The following CADPS2 variants were observed in gnomAD, a reference collection of about 807,000 sequenced individuals.
CADPS2 encodes calcium-dependent secretion activator 2.
CADPS2 carries 93 observed loss-of-function variants against 172.5 expected under a neutral mutation model. The ratio of observed to expected loss-of-function variants is 0.54; its 90% confidence interval spans 0.46 to 0.64. CADPS2 has a LOEUF of 0.64. CADPS2 is among the 30% of genes least tolerant of loss of function. The pLI is 0.00. For synonymous variants in CADPS2, 546 were observed against 555.2 expected, an observed-to-expected ratio of 0.98 and a Z score of 0.23; for missense variants, 1,420 against 1,565.9, an observed-to-expected ratio of 0.91 and a Z score of 1.57.
Position 122,579,450 on chromosome 7 carries a change from A to AATATATATATATATATATATAT in CADPS2, c.1335+1707_1335+1728dup, listed in dbSNP as rs3034498. Among the ~76,000 whole-genome samples the AATATATATATATATATATATAT allele has an allele frequency of 2.0e-3, 251 of 128,600 alleles. 1 individual carries two copies. The highest frequency in any genetic ancestry group is 5.2e-3 in the African/African-American group (177 of 33,756). 84.4% of individuals were successfully genotyped at this position (128,600 alleles called of 152,430 possible). ...GTTTCTCAGATATAAAATTGCATCGAATATATATATATATATATATATATA... is the reference window on the plus strand; with the variant it reads ...GTTTCTCAGATATAAAATTGCATCGAATATATATATATATATATATATATATATATATATATATATATATATA... On this transcript the variant is annotated intron_variant, in intron 7 of 29. Transcript: ENST00000449022.
intron 25 of CADPS2, among the ~76,000 whole-genome samples, chr7:122,374,553 C>CA (rs1563180218): frequency 6.6e-6 from 1 of 151,934 alleles, no homozygotes; most frequent in East Asian, 1.9e-4. Flanking sequence ...AAAGACTCTA[C>CA]AAAAAAGAAC....
chr7:122,541,141 G>A (rs964650635), intron 8 of CADPS2, among the ~76,000 whole-genome samples: 4 of 151,190 alleles, frequency 2.6e-5, no homozygotes, highest in Admixed American at 1.3e-4. Flanking sequence ...AATAGAAAAA[G>A]CAGCACTTTT....
chr7:122,745,951 C>G (rs1197320949), intron 1 of CADPS2, among the ~76,000 whole-genome samples: 1 of 152,028 alleles, frequency 6.6e-6, no homozygotes, highest in Non-Finnish European at 1.5e-5. Context: ...TGAAGTCAGA[C>G]TACTTCTGTT....
At chr7:122,360,670 T>G in intron 27 of CADPS2, 118 bp downstream of exon 27, 1 of 877,214 alleles carries the variant, frequency 1.1e-6, no homozygotes, top group Non-Finnish European at 1.7e-6. Flanking sequence ...TTAAGGAAAA[T>G]AAACTACTCC....
At chr7:122,387,260 G>A (rs1394396675) in intron 23 of CADPS2, 87 bp from the exon 24 acceptor site, 76 of 1,334,394 alleles carry the variant, frequency 5.7e-5, no homozygotes, top group Middle Eastern at 1.9e-4. Flanking sequence ...ACTACAAGAT[G>A]CTAATTTAAA....
At chr7:122,850,298 G>T in intron 1 of CADPS2, 1 of 572,434 alleles carries the variant, frequency 1.7e-6, no homozygotes, top group Non-Finnish European at 2.9e-6. Context: ...CCTTTCAGGG[G>T]ATGAAGACTT....
Position 122,581,803 on chromosome 7 carries a change from C to T in CADPS2, c.1224-513G>A, listed in dbSNP as rs1335790599. On this transcript the variant is annotated intron_variant, in intron 6 of 29. Coordinates refer to ENST00000449022, the MANE Select transcript of CADPS2 (RefSeq NM_017954.11). The stretch of plus-strand genomic sequence containing the variant: ...TTCATATGACTTTTGAAGCTCCTGC[C>T]AAAAAGAAAGAAATATGCATCATAA... Among the ~76,000 whole-genome samples the T allele has an allele frequency of 2.6e-5, 4 of 151,848 alleles. No homozygotes were observed. The East Asian group carries it at 7.7e-4, about 29-fold the overall frequency.
intron 1 of CADPS2, among the ~76,000 whole-genome samples, chr7:122,879,556 A>AAAAAG (rs201275319): frequency 3.3e-5 from 5 of 152,006 alleles, no homozygotes; most frequent in South Asian, 2.1e-4. Context: ...ATAAAAATAA[A>AAAAAG]AAAAGAAAAG....
intron 2 of CADPS2, among the ~76,000 whole-genome samples, chr7:122,683,583 ATTTT>A (rs979583515): frequency 1.3e-5 from 2 of 151,728 alleles, no homozygotes; most frequent in Admixed American, 1.3e-4. Context: ...TTCTCAACAT[ATTTT>A]TTTTAATACT....
At chr7:122,813,974 T>A (rs1341149329) in intron 1 of CADPS2, among the ~76,000 whole-genome samples, 1 of 152,010 alleles carries the variant, frequency 6.6e-6, no homozygotes, top group Non-Finnish European at 1.5e-5. Context: ...TTCTTTGATT[T>A]AAAAATTACT....
At chr7:122,795,044 A>T (rs1796075645) in intron 1 of CADPS2, among the ~76,000 whole-genome samples, 1 of 152,096 alleles carries the variant, frequency 6.6e-6, no homozygotes, top group Non-Finnish European at 1.5e-5. Context: ...ATAACCTCAC[A>T]TCACAACTGA....
chr7:122,705,183 T>C (rs2086794312), intron 2 of CADPS2, among the ~76,000 whole-genome samples: 1 of 151,708 alleles, frequency 6.6e-6, no homozygotes, highest in African/African-American at 2.4e-5. Flanking sequence ...TTTTAGTCCA[T>C]TAAGTATCAT....
chr7:122,669,069 G>A (rs534895153), intron 2 of CADPS2, among the ~76,000 whole-genome samples: 185 of 152,224 alleles, frequency 1.2e-3, no homozygotes, highest in African/African-American at 4.3e-3. Flanking sequence ...AGTAGCTCAC[G>A]CCTGTAATCC....
At chr7:122,641,058 C>G (rs34420222) in intron 3 of CADPS2, among the ~76,000 whole-genome samples, 6,153 of 152,016 alleles carry the variant, frequency 0.04, 199 homozygotes, top group Non-Finnish European at 0.05. Flanking sequence ...AGGCTTCACT[C>G]TACCAAGGCA....
chr7:122,821,733 A>G (rs867765742), intron 1 of CADPS2, among the ~76,000 whole-genome samples: 1 of 152,118 alleles, frequency 6.6e-6, no homozygotes, highest in Admixed American at 6.6e-5. Flanking sequence ...TATATCCCTT[A>G]AGGTCCTCCA....
intron 2 of CADPS2, among the ~76,000 whole-genome samples, chr7:122,722,816 T>C (rs2090605385): frequency 2.0e-5 from 3 of 151,860 alleles, no homozygotes; most frequent in South Asian, 4.2e-4. Context: ...AGCATGGTAC[T>C]GGTACCAAAA....
At chr7:122,747,639 G>A (rs1037812521) in intron 1 of CADPS2, among the ~76,000 whole-genome samples, 2 of 152,050 alleles carry the variant, frequency 1.3e-5, no homozygotes, top group Non-Finnish European at 2.9e-5. Flanking sequence ...AGAAGCTAAA[G>A]CCCAGAGAAT....
intron 25 of CADPS2, among the ~76,000 whole-genome samples, chr7:122,371,357 C>T (rs909748496): frequency 1.3e-5 from 2 of 152,118 alleles, no homozygotes; most frequent in African/African-American, 4.8e-5. Flanking sequence ...AGCAAACTTA[C>T]AATCATGGCG....
intron 9 of CADPS2, among the ~76,000 whole-genome samples, chr7:122,503,525 A>C (rs1050914088): frequency 9.9e-5 from 15 of 152,192 alleles, no homozygotes; most frequent in Non-Finnish European, 2.9e-5. Flanking sequence ...CATTGGCAAA[A>C]TAGTTTAATA....
Sources: allele counts gnomAD v4.1 joint callset (sites outside exome capture counted in the v4.1 genomes callset), GRCh38; gene constraint gnomAD v4.1.1; transcripts MANE v1.5; gene names NCBI Gene and HGNC (gene_info 2026-07-23, HGNC 2026-07-21).